The following CLDN4 variants were observed in gnomAD, a reference collection of about 807,000 sequenced individuals.
The protein encoded by CLDN4 is claudin 4.
Under a neutral mutation model 13.7 loss-of-function variants are expected in CLDN4, and 12 were observed. The ratio of observed to expected loss-of-function variants is 0.88; its 90% CI spans 0.56 to 1.42. The LOEUF is 1.42. Ranked by LOEUF, CLDN4 falls within the 40% of genes most tolerant of loss-of-function variation. CLDN4 has a pLI of 0.00. For missense variants in CLDN4, 252 were observed against 297.4 expected, an observed-to-expected ratio of 0.85 and a Z score of 1.12; for synonymous variants, 152 against 140.6, an observed-to-expected ratio of 1.08 and a Z score of -0.57.
In CLDN4 at chr7:73,831,470, T is replaced by C. The variant is rs1554634089; in HGVS notation, c.269T>C (p.Val90Ala). The change falls in exon 1 of 1, where the codon GTG (valine) becomes GCG (alanine). Residue 90 changes from valine to alanine, a missense_variant. Physicochemically the swap from Val to Ala is moderately conservative, Grantham distance 64 (BLOSUM62 0). Coordinates refer to ENST00000340958, the MANE Select transcript of CLDN4 (RefSeq NM_001305.5). ...GCCCTCGTCATCATCAGCATCATCG[T>C]GGCTGCTCTGGGCGTGCTGCTGTCC... ...ARALVIISII[V>A]AALGVLLSVV... 6.2e-7 allele frequency: 1 copy of C among 1,614,188 alleles called. No individual in the cohort carries two copies. Among genetic ancestry groups the C allele is most frequent in the South Asian group, 1.1e-5 (1 of 91,088 alleles).
chr7:73,832,427 G>C lies in CLDN4; in HGVS notation c.*596G>C, dbSNP rs1231638131. On this transcript the variant is annotated 3_prime_UTR_variant, in exon 1 of 1. Transcript: ENST00000340958. ...CCAGAGAGGCGGCTCAGGTTGCCCA[G>C]CTCTGTGGCCTCAGGACTCTCTGCC... is the stretch of plus-strand genomic sequence containing the variant. 1 of 167,946 alleles carries C rather than the reference G, an allele frequency of 6.0e-6. No homozygotes were observed. Among genetic ancestry groups the C allele is most frequent in the Admixed American group, 6.5e-5 (1 of 15,326 alleles). 10.4% of individuals were successfully genotyped at this position (167,946 alleles called of 1,614,324 possible).
rs367781698 is a variant in CLDN4, at chr7:73,831,605, C to T, written c.404C>T (p.Pro135Leu). ...TTGGCCGGCCTTATGGTGATAGTGC[C>T]GGTGTCCTGGACGGCCCACAACATC... is the stretch of plus-strand genomic sequence containing the variant. ...FLLAGLMVIV[P>L]VSWTAHNIIQ... The change falls in exon 1 of 1, where the codon CCG becomes CTG. Residue 135 changes from proline (P) to leucine (L), a missense_variant. By Grantham distance (98) the Pro-to-Leu change is moderately conservative. Coordinates refer to ENST00000340958, the MANE Select transcript of CLDN4 (RefSeq NM_001305.5). The T allele has an allele frequency of 6.2e-7, 1 of 1,614,128 alleles. No individual in the cohort carries two copies. The highest frequency in any genetic ancestry group is 2.2e-5 in the East Asian group (1 of 44,882).
Position 73,831,133 on chromosome 7 carries a change from G to A in CLDN4, c.-69G>A. 6.7e-7 allele frequency: 1 copy of A among 1,497,744 alleles called. No homozygotes were observed. Among genetic ancestry groups the A allele is most frequent in the Non-Finnish European group, 8.9e-7 (1 of 1,126,356 alleles). The allele number at this position is 1,497,744 out of a possible 1,614,324, so 92.8% of individuals were successfully genotyped here. A position where few individuals can be genotyped will look rare whatever the true frequency, so the allele number is the denominator to read the frequency against. On this transcript the variant is annotated 5_prime_UTR_variant, in exon 1 of 1. Coordinates refer to ENST00000340958, the MANE Select transcript of CLDN4 (RefSeq NM_001305.5). ...ACGTTAAGTCCGTCCCCAGCGCTTGGAATCCTACGGCCCCCACAGCCGGAT... is the reference window on the plus strand; with the variant it reads ...ACGTTAAGTCCGTCCCCAGCGCTTGAAATCCTACGGCCCCCACAGCCGGAT...
rs546395083 is a variant in CLDN4 at position 73,831,804 on chromosome 7, C to T, written c.603C>T (p.Arg201=). ...KPYSAKYSAA[R]SAAASNYV is the part of the protein sequence containing the mutation. ...ACTCCGCCAAGTATTCTGCTGCCCG[C>T]TCTGCTGCTGCCAGCAACTACGTGT... is the stretch of plus-strand genomic sequence containing the variant. Residue 201 remains arginine, a synonymous_variant, in exon 1 of 1, where the codon CGC becomes CGT. Coordinates refer to ENST00000340958, the MANE Select transcript of CLDN4 (RefSeq NM_001305.5). 2 of 1,575,544 alleles carry T rather than the reference C, an allele frequency of 1.3e-6. No homozygotes were observed. Among genetic ancestry groups the T allele is most frequent in the South Asian group, 2.4e-5 (2 of 84,088 alleles).
At position 73,831,563 on chromosome 7, in the gene CLDN4, C is replaced by G. The variant is rs138373200; in HGVS notation, c.362C>G (p.Ala121Gly). The change falls in exon 1 of 1, where the codon GCG becomes GGG. Residue 121 changes from alanine to glycine, a missense_variant. By Grantham distance (60) the Ala-to-Gly change is moderately conservative (BLOSUM62 0). Coordinates refer to ENST00000340958, the MANE Select transcript of CLDN4 (RefSeq NM_001305.5). The part of the protein sequence containing the change: ...ESAKAKTMIV[A>G]GVVFLLAGLM... The stretch of plus-strand genomic sequence containing the variant: ...GCCAAGGCCAAGACCATGATCGTGG[C>G]GGGCGTGGTGTTCCTGTTGGCCGGC... 82 of 1,613,990 alleles carry G rather than the reference C, an allele frequency of 5.1e-5. No homozygotes were observed. The highest frequency in any genetic ancestry group is 6.6e-5 in the Non-Finnish European group (78 of 1,179,972).
rs782789724 is a variant in CLDN4 at position 73,831,379 on chromosome 7, G to A, written c.178G>A (p.Gly60Ser). Residue 60 changes from glycine (G) to serine (S), a missense_variant, in exon 1 of 1, where the codon GGC (glycine) becomes AGC (serine). Gly to Ser is a moderately conservative substitution (Grantham distance 56). Transcript: ENST00000340958. ...LWMNCVVQST[G>S]QMQCKVYDSL... ...GATGAACTGCGTGGTGCAGAGCACCGGCCAGATGCAGTGCAAGGTGTACGA... is the reference window on the plus strand; with the variant it reads ...GATGAACTGCGTGGTGCAGAGCACCAGCCAGATGCAGTGCAAGGTGTACGA... 8 of 1,614,074 alleles carry A rather than the reference G, an allele frequency of 5.0e-6. No homozygotes were observed. The highest frequency in any genetic ancestry group is 2.2e-5 in the South Asian group (2 of 91,078).
Position 73,831,851 on chromosome 7 carries a change from G to C in CLDN4, c.*20G>C. On this transcript the variant is annotated 3_prime_UTR_variant, in exon 1 of 1. Coordinates refer to ENST00000340958, the MANE Select transcript of CLDN4 (RefSeq NM_001305.5). ...GTGTAAGGTGCCACGGCTCCACTCT[G>C]TTCCTCTCTGCTTTGTTCTTCCCTG... 2 of 1,549,292 alleles carry C rather than the reference G, an allele frequency of 1.3e-6. No homozygotes were observed. Among genetic ancestry groups the C allele is most frequent in the Non-Finnish European group, 1.7e-6 (2 of 1,145,434 alleles).
At position 73,831,329 on chromosome 7, in the gene CLDN4, C is replaced by T. The variant is rs561546540; in HGVS notation, c.128C>T (p.Ser43Leu). The change falls in exon 1 of 1, where the codon TCG becomes TTG. Residue 43 changes from serine to leucine, a missense_variant. Coordinates refer to ENST00000340958, the MANE Select transcript of CLDN4 (RefSeq NM_001305.5). ...TAFIGSNIVT[S>L]QTIWEGLWMN... ...TTCATCGGCAGCAACATTGTCACCTCGCAGACCATCTGGGAGGGCCTATGG... is the reference window on the plus strand; with the variant it reads ...TTCATCGGCAGCAACATTGTCACCTTGCAGACCATCTGGGAGGGCCTATGG... 11 of 1,613,998 alleles carry T rather than the reference C, an allele frequency of 6.8e-6. No homozygotes were observed. Among genetic ancestry groups the T allele is most frequent in the African/African-American group, 4.0e-5 (3 of 75,056 alleles).
chr7:73,832,325 T>G lies in CLDN4; in HGVS notation c.*494T>G. The G allele has an allele frequency of 5.8e-6, 1 of 171,392 alleles. No homozygotes were observed. The highest frequency in any genetic ancestry group is 6.3e-5 in the Admixed American group (1 of 15,950). 10.6% of individuals were successfully genotyped at this position (171,392 alleles called of 1,614,324 possible). ...CTTGCCCACCCACCTGCCTGGGAAG[T>G]GCAGAGTGGATGGACGGGTTTAGAG... On this transcript the variant is annotated 3_prime_UTR_variant, in exon 1 of 1. Coordinates refer to ENST00000340958, the MANE Select transcript of CLDN4 (RefSeq NM_001305.5).
chr7:73,831,714 C>T lies in CLDN4; in HGVS notation c.513C>T (p.Ser171=), dbSNP rs782066179. 12 of 1,613,892 alleles carry T rather than the reference C, an allele frequency of 7.4e-6. No individual in the cohort carries two copies. In the South Asian group the frequency reaches 7.7e-5, roughly 10 times the overall value. Reference sequence around the variant, plus strand: ...CGCTCTACGTCGGCTGGGCCGCCTCCGGCCTGCTGCTCCTTGGCGGGGGGC... The same window carrying T: ...CGCTCTACGTCGGCTGGGCCGCCTCTGGCCTGCTGCTCCTTGGCGGGGGGC... The part of the protein sequence containing the change: ...GASLYVGWAA[S]GLLLLGGGLL... The change falls in exon 1 of 1, where the codon TCC becomes TCT. Residue 171 remains serine (S), a synonymous_variant. Transcript: ENST00000340958.
rs1554633983 is a variant in CLDN4 at position 73,831,074 on chromosome 7, C to T, written c.-128C>T. Reference sequence around the variant, plus strand: ...GCTTGCGCATCAGGACTGGCTTTATCTCCTGACTCACGGTGCAAAGGTGCA... The same window carrying T: ...GCTTGCGCATCAGGACTGGCTTTATTTCCTGACTCACGGTGCAAAGGTGCA... On this transcript the variant is annotated 5_prime_UTR_variant, in exon 1 of 1. Transcript: ENST00000340958. 3.3e-5 allele frequency: 40 copies of T among 1,204,306 alleles called. No homozygotes were observed. Among genetic ancestry groups the T allele is most frequent in the Non-Finnish European group, 1.3e-5 (11 of 866,860 alleles). The allele number at this position is 1,204,306 out of a possible 1,614,324, so 74.6% of individuals were successfully genotyped here. A position where few individuals can be genotyped will look rare whatever the true frequency, so the allele number is the denominator to read the frequency against.
rs1788044097 is a variant in CLDN4 at position 73,832,019 on chromosome 7, A to C, written c.*188A>C. ...TCTGGCCCACTCGGACAACTTCCCA[A>C]GGCCGCCTCCTGCTAGCAAGAACAG... On this transcript the variant is annotated 3_prime_UTR_variant, in exon 1 of 1. Transcript: ENST00000340958. 1.5e-6 allele frequency: 1 copy of C among 668,348 alleles called. No homozygotes were observed. Among genetic ancestry groups the C allele is most frequent in the Non-Finnish European group, 2.5e-6 (1 of 405,356 alleles). The allele number at this position is 668,348 out of a possible 1,614,324, so 41.4% of individuals were successfully genotyped here. A position where few individuals can be genotyped will look rare whatever the true frequency, so the allele number is the denominator to read the frequency against.
Position 73,831,291 on chromosome 7 carries a change from G to A in CLDN4, c.90G>A (p.Trp30Ter). ...AVMLCCALPM[W>*]RVTAFIGSNI... Reference sequence around the variant, plus strand: ...TGCTGTGCTGCGCGCTGCCCATGTGGCGCGTGACGGCCTTCATCGGCAGCA... The same window carrying A: ...TGCTGTGCTGCGCGCTGCCCATGTGACGCGTGACGGCCTTCATCGGCAGCA... The change falls in exon 1 of 1, where the codon TGG becomes TGA. Residue 30 changes from tryptophan to a stop codon, truncating the protein, a stop_gained. Coordinates refer to ENST00000340958, the MANE Select transcript of CLDN4 (RefSeq NM_001305.5). LOFTEE classifies it high-confidence loss of function. 6.2e-7 allele frequency: 1 copy of A among 1,613,670 alleles called. No homozygotes were observed. The highest frequency in any genetic ancestry group is 8.5e-7 in the Non-Finnish European group (1 of 1,179,834).
chr7:73,832,356 G>C lies in CLDN4; in HGVS notation c.*525G>C, dbSNP rs573386208. ...GTGGATGGACGGGTTTAGAGGGGAG[G>C]GGCGAAGGTGCTGTAAACAGGTTTG... On this transcript the variant is annotated 3_prime_UTR_variant, in exon 1 of 1. Coordinates refer to ENST00000340958, the MANE Select transcript of CLDN4 (RefSeq NM_001305.5). 3 of 168,790 alleles carry C rather than the reference G, an allele frequency of 1.8e-5. No homozygotes were observed. Among genetic ancestry groups the C allele is most frequent in the Non-Finnish European group, 2.9e-5 (2 of 69,360 alleles). The allele number at this position is 168,790 out of a possible 1,614,324, so 10.5% of individuals were successfully genotyped here.
chr7:73,831,115 G>C lies in CLDN4; in HGVS notation c.-87G>C, dbSNP rs1450290390. The C allele has an allele frequency of 2.1e-6, 3 of 1,462,852 alleles. No homozygotes were observed. The African/African-American group carries it at 4.2e-5, about 21-fold the overall frequency. 90.6% of individuals were successfully genotyped at this position (1,462,852 alleles called of 1,614,324 possible). ...CAAAGGTGCACTCTGCGAACGTTAA[G>C]TCCGTCCCCAGCGCTTGGAATCCTA... On this transcript the variant is annotated 5_prime_UTR_variant, in exon 1 of 1. Transcript: ENST00000340958.
chr7:73,831,900 A>G lies in CLDN4; in HGVS notation c.*69A>G. 6.6e-7 allele frequency: 1 copy of G among 1,508,492 alleles called. No homozygotes were observed. The highest frequency in any genetic ancestry group is 8.9e-7 in the Non-Finnish European group (1 of 1,127,462). The allele number at this position is 1,508,492 out of a possible 1,614,324, so 93.4% of individuals were successfully genotyped here. A position where few individuals can be genotyped will look rare whatever the true frequency, so the allele number is the denominator to read the frequency against. Reference sequence around the variant, plus strand: ...TGGACTGAGCTCAGCGCAGGCTGTGACCCCAGGAGGGCCCTGCCACGGGCC... The same window carrying G: ...TGGACTGAGCTCAGCGCAGGCTGTGGCCCCAGGAGGGCCCTGCCACGGGCC... On this transcript the variant is annotated 3_prime_UTR_variant, in exon 1 of 1. Coordinates refer to ENST00000340958, the MANE Select transcript of CLDN4 (RefSeq NM_001305.5).
chr7:73,831,455 T>A lies in CLDN4; in HGVS notation c.254T>A (p.Ile85Asn). 6.2e-7 allele frequency: 1 copy of A among 1,614,158 alleles called. No individual in the cohort carries two copies. Residue 85 changes from isoleucine (I) to asparagine (N), a missense_variant, in exon 1 of 1, where the codon ATC (isoleucine) becomes AAC (asparagine). Physicochemically the swap from Ile to Asn is moderately radical, Grantham distance 149 (BLOSUM62 -3). Coordinates refer to ENST00000340958, the MANE Select transcript of CLDN4 (RefSeq NM_001305.5). ...CTGCAGGCGGCCCGCGCCCTCGTCA[T>A]CATCAGCATCATCGTGGCTGCTCTG... ...QDLQAARALVIISIIVAALGV... is the reference protein window; with the variant it reads ...QDLQAARALVNISIIVAALGV...
Position 73,831,197 on chromosome 7 carries a change from G to C in CLDN4, c.-5G>C. 1.3e-6 allele frequency: 2 copies of C among 1,550,952 alleles called. No individual in the cohort carries two copies. Among genetic ancestry groups the C allele is most frequent in the African/African-American group, 1.4e-5 (1 of 73,868 alleles). On this transcript the variant is annotated 5_prime_UTR_variant, in exon 1 of 1. Coordinates refer to ENST00000340958, the MANE Select transcript of CLDN4 (RefSeq NM_001305.5). ...CAGGTCCTCAACTCCCGTGGACGCT[G>C]AACAATGGCCTCCATGGGGCTACAG... is the stretch of plus-strand genomic sequence containing the variant.
chr7:73,831,476 C>T lies in CLDN4; in HGVS notation c.275C>T (p.Ala92Val). The change falls in exon 1 of 1, where the codon GCT (alanine) becomes GTT (valine). Residue 92 changes from alanine to valine, a missense_variant. Physicochemically the swap from Ala to Val is moderately conservative, Grantham distance 64 (BLOSUM62 0). Transcript: ENST00000340958. ...ALVIISIIVA[A>V]LGVLLSVVGG... ...GTCATCATCAGCATCATCGTGGCTG[C>T]TCTGGGCGTGCTGCTGTCCGTGGTG... 1 of 1,614,208 alleles carries T rather than the reference C, an allele frequency of 6.2e-7. No individual in the cohort carries two copies. The highest frequency in any genetic ancestry group is 8.5e-7 in the Non-Finnish European group (1 of 1,180,046).
Sources: allele counts gnomAD v4.1 joint callset, GRCh38; gene constraint gnomAD v4.1.1; transcripts MANE v1.5; gene names NCBI Gene and HGNC (gene_info 2026-07-23, HGNC 2026-07-21).